The following KHDRBS3 variants were observed in gnomAD, a reference collection of about 807,000 sequenced individuals.
KHDRBS3 encodes the protein KH domain-containing, RNA-binding, signal transduction-associated protein 3.
In KHDRBS3, 23 loss-of-function variants were observed where a neutral mutation model predicts 45.6. The ratio of observed to expected loss-of-function variants is 0.50; its 90% CI spans 0.36 to 0.72. The LOEUF is 0.72. Among genes scored for constraint, KHDRBS3 ranks in the 30% least tolerant of loss-of-function variants. KHDRBS3 has a pLI of 0.00. For synonymous variants in KHDRBS3, 162 were observed against 156.5 expected (o/e 1.04, Z -0.26); for missense variants, 352 against 424.8 (o/e 0.83, Z 1.51).
Position 135,647,106 on chromosome 8 carries a change from A to C in KHDRBS3, c.*22A>C. ...CTGATTGTACTGTCTGATGTTGTGA[A>C]ATAGCCAATCTCCACCAGTCCTGTA... On this transcript the variant is annotated 3_prime_UTR_variant, in exon 9 of 9. Transcript: ENST00000355849. The C allele has an allele frequency of 3.0e-6, 4 of 1,324,166 alleles. No individual in the cohort carries two copies. Among genetic ancestry groups the C allele is most frequent in the Non-Finnish European group, 4.4e-6 (4 of 916,064 alleles). The allele number at this position is 1,324,166 out of a possible 1,614,324, so 82.0% of individuals were successfully genotyped here. A position where few individuals can be genotyped will look rare whatever the true frequency, so the allele number is the denominator to read the frequency against.
Position 135,619,814 on chromosome 8 carries a change from A to G in KHDRBS3, c.890+12777A>G, listed in dbSNP as rs73375309. Among the ~76,000 whole-genome samples, 446 of 152,324 alleles carry G rather than the reference A, an allele frequency of 2.9e-3. 3 individuals carry two copies. Among genetic ancestry groups the G allele is most frequent in the African/African-American group, 0.01 (426 of 41,588 alleles). ...AGTGGAGCCCTGCATGTGCTTCTCC[A>G]GGATAATGATTGCCCCTTGGATTCT... On this transcript the variant is annotated intron_variant, in intron 7 of 8. Coordinates refer to ENST00000355849, the MANE Select transcript of KHDRBS3 (RefSeq NM_006558.3).
At chr8:135,483,849 C>T (rs1194501246) in intron 1 of KHDRBS3, among the ~76,000 whole-genome samples, 1 of 152,132 alleles carries the variant, frequency 6.6e-6, no homozygotes, top group Non-Finnish European at 1.5e-5. Context: ...GTTTCTGGGC[C>T]TGGACAGGAC....
At chr8:135,589,979 G>T (rs1337625973) in intron 6 of KHDRBS3, among the ~76,000 whole-genome samples, 4 of 152,124 alleles carry the variant, frequency 2.6e-5, no homozygotes, top group Non-Finnish European at 5.9e-5. Context: ...TTAATATAAA[G>T]ATTATTATTC....
chr8:135,458,770 C>T (rs1281703917), intron 1 of KHDRBS3: 1 of 435,760 alleles, frequency 2.3e-6, no homozygotes. Flanking sequence ...TCACACGACT[C>T]CAGCCAGCTC....
At chr8:135,615,705 C>G (rs1829887985) in intron 7 of KHDRBS3, among the ~76,000 whole-genome samples, 1 of 152,160 alleles carries the variant, frequency 6.6e-6, no homozygotes, top group African/African-American at 2.4e-5. Flanking sequence ...TCAGTGATGT[C>G]AAGTTTATTT....
Position 135,565,481 on chromosome 8 carries a change from AT to A in KHDRBS3, c.611+7901del, listed in dbSNP as rs557637757. ...CCTCCAAACAGTGTTGCTTTTATTTATTTTTTTAGACTGTTTAAGCAGATAG... is the reference window on the plus strand; with the variant it reads ...CCTCCAAACAGTGTTGCTTTTATTTATTTTTTAGACTGTTTAAGCAGATAG... On this transcript the variant is annotated intron_variant, in intron 5 of 8. Transcript: ENST00000355849. 3.4e-3 allele frequency among the ~76,000 whole-genome samples: 510 copies of A among 152,194 alleles called. 8 individuals are homozygous for A. Among genetic ancestry groups the A allele is most frequent in the African/African-American group, 0.011 (460 of 41,534 alleles).
chr8:135,522,154 GTGTTCTCAT>G (rs1824947657), intron 2 of KHDRBS3, among the ~76,000 whole-genome samples: 2 of 152,170 alleles, frequency 1.3e-5, no homozygotes, highest in South Asian at 4.1e-4. Context: ...CTGTGTCCGT[GTGTTCTCAT>G]TGTTCAGCTC....
In KHDRBS3 at chr8:135,562,394, C is replaced by T. The variant is rs1827210345; in HGVS notation, c.611+4807C>T. On this transcript the variant is annotated intron_variant, in intron 5 of 8. Transcript: ENST00000355849. ...GTAGCCAAGGAACAGTAGGCTGTAT[C>T]ATATAGCCTAGGCGTGTAGTAGGCT... is the stretch of plus-strand genomic sequence containing the variant. Among the ~76,000 whole-genome samples the T allele has an allele frequency of 1.3e-5, 2 of 152,166 alleles. 1 individual carries two copies. Among genetic ancestry groups the T allele is most frequent in the Admixed American group, 1.3e-4 (2 of 15,280 alleles).
chr8:135,536,234 G>GTTTT lies in KHDRBS3; in HGVS notation c.208-6395_208-6392dup, dbSNP rs374782370. Among the ~76,000 whole-genome samples, 139 of 86,388 alleles carry GTTTT rather than the reference G, an allele frequency of 1.6e-3. 4 individuals carry two copies. The highest frequency in any genetic ancestry group is 3.3e-3 in the African/African-American group (93 of 28,298). The allele number at this position is 86,388 out of a possible 152,430, so 56.7% of individuals were successfully genotyped here. A position where few individuals can be genotyped will look rare whatever the true frequency, so the allele number is the denominator to read the frequency against. On this transcript the variant is annotated intron_variant, in intron 2 of 8. Coordinates refer to ENST00000355849, the MANE Select transcript of KHDRBS3 (RefSeq NM_006558.3). ...TCAGTGTTAATTTGCTTTCTGTCCA[G>GTTTT]TTTTTTTTTTTTTTTTTTTTTTTTT... is the stretch of plus-strand genomic sequence containing the variant.
chr8:135,525,773 G>A (rs1013751644), intron 2 of KHDRBS3, among the ~76,000 whole-genome samples: 2 of 152,094 alleles, frequency 1.3e-5, no homozygotes, highest in Non-Finnish European at 2.9e-5. Context: ...TACTTAATAT[G>A]CAATAGATAG....
chr8:135,530,653 C>A (rs1825427603), intron 2 of KHDRBS3, among the ~76,000 whole-genome samples: 1 of 152,156 alleles, frequency 6.6e-6, no homozygotes, highest in African/African-American at 2.4e-5. Flanking sequence ...TTTGCCATGT[C>A]CGTATCTGAA....
chr8:135,536,470 C>G (rs1035606020), intron 2 of KHDRBS3, among the ~76,000 whole-genome samples: 5 of 151,932 alleles, frequency 3.3e-5, no homozygotes, highest in African/African-American at 1.2e-4. Flanking sequence ...AACACTAGCA[C>G]TCAGGTTCGC....
chr8:135,593,557 A>G (rs1828843450), intron 6 of KHDRBS3, among the ~76,000 whole-genome samples: 1 of 152,194 alleles, frequency 6.6e-6, no homozygotes, highest in Non-Finnish European at 1.5e-5. Context: ...AACTCACTGC[A>G]GTCTCAACAT....
At chr8:135,487,499 GA>G (rs1822923059) in intron 1 of KHDRBS3, among the ~76,000 whole-genome samples, 1 of 152,300 alleles carries the variant, frequency 6.6e-6, no homozygotes, top group South Asian at 2.1e-4. Context: ...ACATAGACAT[GA>G]AAAATACATT....
In KHDRBS3 at chr8:135,626,015, G is replaced by A. The variant is rs933673093; in HGVS notation, c.890+18978G>A. The A allele has an allele frequency of 1.3e-4, 86 of 663,232 alleles. 1 individual carries two copies. The highest frequency in any genetic ancestry group is 1.2e-3 in the African/African-American group (68 of 56,546). 41.1% of individuals were successfully genotyped at this position (663,232 alleles called of 1,614,324 possible). A position where few individuals can be genotyped will look rare whatever the true frequency, so the allele number is the denominator to read the frequency against. On this transcript the variant is annotated intron_variant, in intron 7 of 8. Coordinates refer to ENST00000355849, the MANE Select transcript of KHDRBS3 (RefSeq NM_006558.3). The stretch of plus-strand genomic sequence containing the variant: ...CTTGGCGGAACCGTGTCCACTGCCC[G>A]CACCCAGCTCCGGTTCCAGTTCCTT...
Position 135,557,444 on chromosome 8 carries a change from G to A in KHDRBS3, c.472-4G>A. ...AATTTTGCTATCTTCTGTCTTTTGT[G>A]TAGGATTATAATGATGAGATCAGGC... On this transcript the variant is annotated splice_region_variant and splice_polypyrimidine_tract_variant and intron_variant, in intron 4 of 8. Transcript: ENST00000355849. 1.3e-6 allele frequency: 2 copies of A among 1,594,146 alleles called. No homozygotes were observed. The highest frequency in any genetic ancestry group is 1.1e-5 in the South Asian group (1 of 88,096).
At chr8:135,517,892 A>T (rs1824697432) in intron 1 of KHDRBS3, among the ~76,000 whole-genome samples, 1 of 152,218 alleles carries the variant, frequency 6.6e-6, no homozygotes, top group Non-Finnish European at 1.5e-5. Flanking sequence ...CTAGCAACTT[A>T]AGATTTGTAG....
At chr8:135,505,576 G>T (rs1823954003) in intron 1 of KHDRBS3, among the ~76,000 whole-genome samples, 1 of 152,174 alleles carries the variant, frequency 6.6e-6, no homozygotes, top group Non-Finnish European at 1.5e-5. Flanking sequence ...GAATTGGTTA[G>T]ACAGGTGCTG....
At chr8:135,609,558 G>C (rs1436900801) in intron 7 of KHDRBS3, among the ~76,000 whole-genome samples, 1 of 148,924 alleles carries the variant, frequency 6.7e-6, no homozygotes, top group Non-Finnish European at 1.5e-5. Context: ...GCCTCCAAAA[G>C]AGCTGGGATT....
Sources: allele counts gnomAD v4.1 joint callset (sites outside exome capture counted in the v4.1 genomes callset), GRCh38; gene constraint gnomAD v4.1.1; transcripts MANE v1.5; gene names NCBI Gene and HGNC (gene_info 2026-07-23, HGNC 2026-07-21).